DAB2IP: variants seen among roughly 807,000 people sequenced by gnomAD.
DAB2IP encodes disabled homolog 2-interacting protein.
In DAB2IP, 28 loss-of-function variants were observed where a neutral mutation model predicts 107.2. The ratio of observed to expected loss-of-function variants is 0.26; its 90% CI spans 0.19 to 0.36. The LOEUF is 0.36. Among genes scored for constraint, DAB2IP ranks in the 10% least tolerant of loss-of-function variants. DAB2IP has a pLI of 1.00. For synonymous variants in DAB2IP, 755 were observed against 706.4 expected (o/e 1.07, Z -1.09); for missense variants, 1,400 against 1,644.7 (o/e 0.85, Z 2.57).
At chr9:121,593,009 A>C (rs73661769) in intron 1 of DAB2IP, among the ~76,000 whole-genome samples, 1 of 152,186 alleles carries the variant, frequency 6.6e-6, no homozygotes, top group Non-Finnish European at 1.5e-5. Flanking sequence ...CACTAACTTC[A>C]TGCATATTTT....
chr9:121,580,391 A>G lies in DAB2IP; in HGVS notation c.40+13163A>G, dbSNP rs575471361. Among the ~76,000 whole-genome samples, 9 of 152,130 alleles carry G rather than the reference A, an allele frequency of 5.9e-5. No individual in the cohort carries two copies. The East Asian group carries it at 1.7e-3, about 29-fold the overall frequency. ...ATGCTGACCTTAAAGATAACCAGAG[A>G]CCTAAGGCCAGGTACAGTGGCTCGT... On this transcript the variant is annotated intron_variant, in intron 1 of 16. Transcript: ENST00000259371.
chr9:121,721,101 C>T (rs185103074), intron 3 of DAB2IP, among the ~76,000 whole-genome samples: 39 of 152,258 alleles, frequency 2.6e-4, no homozygotes, highest in Admixed American at 1.8e-3. Flanking sequence ...GGGAGGAATC[C>T]GGCCACCTTT....
chr9:121,646,309 T>C (rs1284391399), intron 1 of DAB2IP, among the ~76,000 whole-genome samples: 2 of 152,078 alleles, frequency 1.3e-5, no homozygotes, highest in Non-Finnish European at 2.9e-5. Context: ...TTGGGGCTTG[T>C]CTATGCTTTT....
At chr9:121,608,657 A>C (rs1016127129) in intron 1 of DAB2IP, among the ~76,000 whole-genome samples, 1 of 152,236 alleles carries the variant, frequency 6.6e-6, no homozygotes, top group Non-Finnish European at 1.5e-5. Context: ...ATAGGGAGCC[A>C]TTGAGGATTA....
intron 12 of DAB2IP, among the ~76,000 whole-genome samples, chr9:121,773,714 C>G (rs76933409): frequency 0.011 from 1,727 of 152,326 alleles, 20 homozygotes; most frequent in African/African-American, 0.039. Context: ...CTCCAGGCTC[C>G]TCTGTCAGTG....
chr9:121,604,270 C>A (rs532547637), intron 1 of DAB2IP, among the ~76,000 whole-genome samples: 140 of 152,314 alleles, frequency 9.2e-4, no homozygotes, highest in African/African-American at 3.1e-3. Flanking sequence ...CTCAGCCTTT[C>A]CTGAATCTGA....
At chr9:121,783,012 A>G in exon 16 of DAB2IP, 2 of 1,022,306 alleles carry the variant, frequency 2.0e-6, no homozygotes, top group Non-Finnish European at 2.3e-6. Context: ...AGGCAGGAAG[A>G]TAGGAGGACA....
chr9:121,567,192 G>T lies in DAB2IP; in HGVS notation c.4G>T (p.Glu2Ter). 6.2e-7 allele frequency: 1 copy of T among 1,614,056 alleles called. No individual in the cohort carries two copies. Among genetic ancestry groups the T allele is most frequent in the South Asian group, 1.1e-5 (1 of 91,070 alleles). Residue 2 changes from glutamate (E) to a stop codon, truncating the protein, a stop_gained, in exon 1 of 17, where the codon GAG becomes TAG. Coordinates refer to the DAB2IP transcript ENST00000259371. LOFTEE classifies it high-confidence loss of function. ...AGGGGCTGGGGGCCCACACGCCATG[G>T]AGCCCGACTCCCTTCTGGACCAAGA...
chr9:121,646,445 C>T (rs1291688878), intron 1 of DAB2IP, among the ~76,000 whole-genome samples: 1 of 152,064 alleles, frequency 6.6e-6, no homozygotes, highest in Non-Finnish European at 1.5e-5. Context: ...AGACAGGCCA[C>T]CTCCTGGGGC....
At chr9:121,780,349 C>A (rs1335881872) in intron 14 of DAB2IP, among the ~76,000 whole-genome samples, 1 of 152,184 alleles carries the variant, frequency 6.6e-6, no homozygotes, top group Non-Finnish European at 1.5e-5. Context: ...CCCGCCACCA[C>A]CGCTCCTCCC....
chr9:121,683,244 A>G (rs550920242), intron 2 of DAB2IP, among the ~76,000 whole-genome samples: 55 of 152,252 alleles, frequency 3.6e-4, no homozygotes, highest in African/African-American at 1.3e-3. Context: ...CTGCCACTCC[A>G]TGGCAGAGGA....
intron 1 of DAB2IP, among the ~76,000 whole-genome samples, chr9:121,577,806 G>A (rs1185745286): frequency 2.6e-5 from 4 of 152,196 alleles, no homozygotes; most frequent in Non-Finnish European, 4.4e-5. Context: ...ACAACAGCCC[G>A]AGGCAGCCAG....
intron 1 of DAB2IP, among the ~76,000 whole-genome samples, chr9:121,568,606 G>A (rs1268819816): frequency 6.6e-6 from 1 of 152,198 alleles, no homozygotes; most frequent in Admixed American, 6.5e-5. Context: ...GAGTGATGCG[G>A]TCCTTGGGGA....
At chr9:121,627,207 C>T (rs551258339) in intron 1 of DAB2IP, among the ~76,000 whole-genome samples, 2 of 152,138 alleles carry the variant, frequency 1.3e-5, no homozygotes, top group African/African-American at 4.8e-5. Flanking sequence ...GAGATCATCC[C>T]ACATATCCTG....
chr9:121,629,722 A>G (rs1831803366), intron 1 of DAB2IP, among the ~76,000 whole-genome samples: 1 of 152,172 alleles, frequency 6.6e-6, no homozygotes. Flanking sequence ...AGCTGGGACA[A>G]CCAGGCTGTG....
At chr9:121,614,337 C>CTTTTTTTTT (rs35959966) in intron 1 of DAB2IP, among the ~76,000 whole-genome samples, 10 of 102,734 alleles carry the variant, frequency 9.7e-5, no homozygotes, top group African/African-American at 2.3e-4. Flanking sequence ...TCTTTCTTTT[C>CTTTTTTTTT]TTTTTTTTTT....
chr9:121,704,122 G>A (rs1250602965), intron 3 of DAB2IP, among the ~76,000 whole-genome samples: 2 of 152,110 alleles, frequency 1.3e-5, no homozygotes, highest in Admixed American at 6.5e-5. Context: ...ATGACACTGG[G>A]ATTTAAATCC....
chr9:121,619,060 A>G (rs1332464886), intron 1 of DAB2IP, among the ~76,000 whole-genome samples: 1 of 152,168 alleles, frequency 6.6e-6, no homozygotes, highest in Non-Finnish European at 1.5e-5. Context: ...ATAAATTATT[A>G]TGTGGAGGCC....
intron 14 of DAB2IP, among the ~76,000 whole-genome samples, chr9:121,778,885 T>TA (rs1554750986): frequency 5.2e-4 from 79 of 151,952 alleles, no homozygotes; most frequent in Non-Finnish European, 8.1e-4. Context: ...ACTTTTTTTT[T>TA]AAATCACTGG....
Sources: allele counts gnomAD v4.1 joint callset (sites outside exome capture counted in the v4.1 genomes callset), GRCh38; gene constraint gnomAD v4.1.1; transcripts MANE v1.5; gene names NCBI Gene and HGNC (gene_info 2026-07-23, HGNC 2026-07-21).